LMBR1: variants seen among roughly 807,000 people sequenced by gnomAD.
LMBR1 encodes the protein limb development membrane protein 1.
LMBR1 carries 52 observed loss-of-function variants against 73.9 expected under a neutral mutation model. The ratio of observed to expected loss-of-function variants is 0.70; its 90% CI spans 0.56 to 0.89. The LOEUF is 0.89. Ranked by LOEUF, LMBR1 falls within the 40% of genes least tolerant of loss-of-function variation. LMBR1 has a pLI of 0.00. For synonymous variants in LMBR1, 215 were observed against 209.4 expected (o/e 1.03, Z -0.23); for missense variants, 539 against 579.8 (o/e 0.93, Z 0.72).
At chr7:156,688,753 G>T (rs192748869) in intron 15 of LMBR1, among the ~76,000 whole-genome samples, 1 of 151,986 alleles carries the variant, frequency 6.6e-6, no homozygotes, top group African/African-American at 2.4e-5. Context: ...TACTAATTAC[G>T]AGTCTTCACA....
intron 9 of LMBR1, among the ~76,000 whole-genome samples, chr7:156,741,610 T>C (rs986523349): frequency 1.3e-5 from 2 of 152,022 alleles, no homozygotes; most frequent in Non-Finnish European, 2.9e-5. Flanking sequence ...GTATAACAAT[T>C]GTAAAGATAT....
At chr7:156,855,423 T>C (rs563450305) in intron 1 of LMBR1, among the ~76,000 whole-genome samples, 59 of 152,166 alleles carry the variant, frequency 3.9e-4, no homozygotes, top group Admixed American at 3.1e-3. Context: ...TTAGAAGATA[T>C]GTCAATGGAA....
chr7:156,887,366 G>A (rs936958689), intron 1 of LMBR1, among the ~76,000 whole-genome samples: 66 of 151,606 alleles, frequency 4.4e-4, no homozygotes, highest in Non-Finnish European at 1.0e-4. Flanking sequence ...GGGAGGCTGA[G>A]GCAGGAGAAT....
chr7:156,835,893 C>G (rs1334426761), intron 2 of LMBR1, among the ~76,000 whole-genome samples: 2 of 152,170 alleles, frequency 1.3e-5, no homozygotes, highest in African/African-American at 4.8e-5. Flanking sequence ...TAGAATGATG[C>G]ATTTATATAC....
At chr7:156,891,233 TACACACACAC>T (rs68193998) in intron 1 of LMBR1, among the ~76,000 whole-genome samples, 81 of 68,858 alleles carry the variant, frequency 1.2e-3, no homozygotes, top group South Asian at 2.8e-3. Flanking sequence ...TATATATATA[TACACACACAC>T]ACACACACAC....
intron 4 of LMBR1, among the ~76,000 whole-genome samples, chr7:156,808,135 A>G (rs2133563557): frequency 6.6e-6 from 1 of 152,268 alleles, no homozygotes; most frequent in Non-Finnish European, 1.5e-5. Context: ...GTCAGTTGAT[A>G]GTATTATTCA....
intron 11 of LMBR1, 32 bp from the exon 12 acceptor site, chr7:156,728,039 A>T: frequency 6.6e-7 from 1 of 1,523,912 alleles, no homozygotes; most frequent in Non-Finnish European, 9.1e-7. Context: ...GTCAGCTCTC[A>T]AGATTTTTCA....
intron 9 of LMBR1, among the ~76,000 whole-genome samples, chr7:156,749,634 C>A (rs988458965): frequency 6.6e-6 from 1 of 152,056 alleles, no homozygotes; most frequent in Middle Eastern, 3.4e-3. Flanking sequence ...AAAAATGAAA[C>A]AACAATATAA....
intron 15 of LMBR1, among the ~76,000 whole-genome samples, chr7:156,720,461 C>T (rs918242734): frequency 6.6e-6 from 1 of 152,084 alleles, no homozygotes; most frequent in Non-Finnish European, 1.5e-5. Flanking sequence ...AAACACATTT[C>T]GTAGATATCA....
intron 1 of LMBR1, among the ~76,000 whole-genome samples, chr7:156,849,036 C>A (rs1008204465): frequency 3.9e-5 from 6 of 151,944 alleles, no homozygotes; most frequent in Non-Finnish European, 5.9e-5. Flanking sequence ...AATCATTCTA[C>A]CGTAAAGACA....
chr7:156,725,989 C>T (rs778405392), intron 12 of LMBR1, 152 bp from the exon 13 acceptor site: 4 of 516,634 alleles, frequency 7.7e-6, no homozygotes, highest in Admixed American at 3.9e-5. Flanking sequence ...CAAGACATGA[C>T]ATTAGACTGA....
At chr7:156,699,551 A>C (rs995791557) in intron 15 of LMBR1, among the ~76,000 whole-genome samples, 2 of 151,990 alleles carry the variant, frequency 1.3e-5, no homozygotes, top group East Asian at 1.9e-4. Context: ...CAAAATTGAC[A>C]AATGGGATCT....
intron 1 of LMBR1, among the ~76,000 whole-genome samples, chr7:156,883,841 A>T (rs1188005463): frequency 6.6e-6 from 1 of 152,054 alleles, no homozygotes; most frequent in Non-Finnish European, 1.5e-5. Flanking sequence ...GGACCCTGTG[A>T]CCACATAGAG....
intron 1 of LMBR1, among the ~76,000 whole-genome samples, chr7:156,878,444 T>C (rs1238793056): frequency 6.6e-6 from 1 of 152,134 alleles, no homozygotes; most frequent in Non-Finnish European, 1.5e-5. Context: ...ACTCAACCCC[T>C]TTTACAACAG....
chr7:156,702,474 T>G (rs1277247044), intron 15 of LMBR1, among the ~76,000 whole-genome samples: 1 of 152,194 alleles, frequency 6.6e-6, no homozygotes, highest in Admixed American at 6.5e-5. Flanking sequence ...ATGAGGTTTG[T>G]TTTTTTCTTG....
At chr7:156,733,402 C>T (rs1817243030) in intron 10 of LMBR1, among the ~76,000 whole-genome samples, 1 of 151,860 alleles carries the variant, frequency 6.6e-6, no homozygotes, top group Admixed American at 6.6e-5. Flanking sequence ...TCTATATTTT[C>T]ACAAAGAGGG....
intron 15 of LMBR1, among the ~76,000 whole-genome samples, chr7:156,704,428 G>A (rs985888575): frequency 6.6e-6 from 1 of 151,968 alleles, no homozygotes; most frequent in African/African-American, 2.4e-5. Context: ...ACACATCATG[G>A]TCACATAGTC....
Position 156,681,092 on chromosome 7 carries a change from A to AG in LMBR1, c.*2985_*2986insC, listed in dbSNP as rs998023124. 6.2e-5 allele frequency: 26 copies of AG among 419,474 alleles called. No homozygotes were observed. Among genetic ancestry groups the AG allele is most frequent in the Non-Finnish European group, 1.1e-4 (24 of 217,138 alleles). 26.0% of individuals were successfully genotyped at this position (419,474 alleles called of 1,614,324 possible). A position where few individuals can be genotyped will look rare whatever the true frequency, so the allele number is the denominator to read the frequency against. On this transcript the variant is annotated 3_prime_UTR_variant, in exon 17 of 17. Coordinates refer to ENST00000353442, the MANE Select transcript of LMBR1 (RefSeq NM_022458.4). ...CTGCATCTATGTTCACATTAAAAAA[A>AG]AAAACTTGTAAGAATTCTGCCTTTA...
intron 5 of LMBR1, among the ~76,000 whole-genome samples, chr7:156,780,026 C>G (rs1156854796): frequency 6.6e-6 from 1 of 152,140 alleles, no homozygotes; most frequent in African/African-American, 2.4e-5. Context: ...AAATAAGCAT[C>G]TCTAGAGAGT....
Sources: allele counts gnomAD v4.1 joint callset (sites outside exome capture counted in the v4.1 genomes callset), GRCh38; gene constraint gnomAD v4.1.1; transcripts MANE v1.5; gene names NCBI Gene and HGNC (gene_info 2026-07-23, HGNC 2026-07-21).